TBCD: variants seen among roughly 807,000 people sequenced by gnomAD.
TBCD encodes tubulin folding cofactor D, also known as tubulin-specific chaperone D.
In TBCD, 105 loss-of-function variants were observed where a neutral mutation model predicts 169.3. The ratio of observed to expected loss-of-function variants is 0.62; its 90% CI spans 0.53 to 0.73. The LOEUF is 0.73. TBCD is among the 30% of genes least tolerant of loss of function. The pLI, the probability that TBCD is intolerant of heterozygous loss-of-function variation, is 0.00. For missense variants in TBCD, 1,444 were observed against 1,600.1 expected (o/e 0.90, Z 1.66); for synonymous variants, 700 against 643.9 (o/e 1.09, Z -1.32).
chr17:82,774,471 A>T (rs1473922055), intron 6 of TBCD, among the ~76,000 whole-genome samples: 2 of 152,234 alleles, frequency 1.3e-5, no homozygotes, highest in Admixed American at 1.3e-4. Flanking sequence ...CACAGTAACA[A>T]ACTGATGTCT....
Position 82,766,473 on chromosome 17 carries a change from A to G in TBCD, c.435+105A>G, listed in dbSNP as rs116109157. ...TTCCCCTTCCTGTTTCTTTCATTTT[A>G]TCTCCCTTTGTTTTGTGTCACTCCT... On this transcript the variant is annotated intron_variant, in intron 4 of 38. Coordinates refer to ENST00000355528, the MANE Select transcript of TBCD (RefSeq NM_005993.5). 2,125 of 680,908 alleles carry G rather than the reference A, an allele frequency of 3.1e-3. 36 individuals carry two copies. The African/African-American group carries it at 0.035, about 11-fold the overall frequency. 42.2% of individuals were successfully genotyped at this position (680,908 alleles called of 1,614,324 possible).
At position 82,930,783 on chromosome 17, in the gene TBCD, C is replaced by T; in HGVS notation, c.3113+140C>T. On this transcript the variant is annotated intron_variant, in intron 33 of 38. Transcript: ENST00000355528. The surrounding 1 kb of genome is among the most constrained non-coding windows in gnomAD (Gnocchi z 5.2). ...AGACACACGCTGTACCAGTTGGTGG[C>T]TCAGCGAGGAAGATGTGCCTGCAGC... 7.3e-7 allele frequency: 1 copy of T among 1,364,334 alleles called. No individual in the cohort carries two copies. 84.5% of individuals were successfully genotyped at this position (1,364,334 alleles called of 1,614,324 possible).
intron 13 of TBCD, among the ~76,000 whole-genome samples, chr17:82,844,278 G>A (rs1283229485): frequency 2.0e-5 from 3 of 146,398 alleles, no homozygotes; most frequent in African/African-American, 7.7e-5. Context: ...GGCTGGACTT[G>A]AACTCCGGGT....
chr17:82,788,164 G>A (rs1340505169), intron 7 of TBCD, among the ~76,000 whole-genome samples: 2 of 152,180 alleles, frequency 1.3e-5, no homozygotes. Flanking sequence ...CTTGAACCCG[G>A]GAGGTGGAGG....
intron 6 of TBCD, among the ~76,000 whole-genome samples, chr17:82,779,226 G>A (rs546832621): frequency 1.1e-4 from 16 of 151,108 alleles, no homozygotes; most frequent in African/African-American, 3.6e-4. Context: ...GGCTGTTCTC[G>A]AACTTCTGAC....
At chr17:82,810,200 G>A (rs1168495034) in intron 12 of TBCD, among the ~76,000 whole-genome samples, 1 of 152,214 alleles carries the variant, frequency 6.6e-6, no homozygotes. Flanking sequence ...TCATTTTAAC[G>A]AAATGTGAGG....
intron 38 of TBCD, 191 bp downstream of exon 38, chr17:82,941,674 C>T (rs1023493348): frequency 1.2e-5 from 7 of 585,214 alleles, no homozygotes; most frequent in African/African-American, 1.2e-4. Flanking sequence ...CCTGTGGGCC[C>T]CTGTGGCATC....
At chr17:82,779,422 A>G (rs1374634344) in intron 6 of TBCD, among the ~76,000 whole-genome samples, 1 of 152,096 alleles carries the variant, frequency 6.6e-6, no homozygotes, top group African/African-American at 2.4e-5. Context: ...TGCCCAGCCA[A>G]ATGATTCTTT....
chr17:82,893,436 A>T, intron 16 of TBCD, 111 bp from the exon 17 acceptor site: 1 of 832,734 alleles, frequency 1.2e-6, no homozygotes. Context: ...CACCTGCCTC[A>T]GGGCTCGGGG....
intron 15 of TBCD, among the ~76,000 whole-genome samples, chr17:82,885,603 G>C (rs550113686): frequency 8.0e-4 from 122 of 152,200 alleles, no homozygotes; most frequent in African/African-American, 2.9e-3. Flanking sequence ...GTAAATGTAA[G>C]ACTTTGAAAT....
intron 9 of TBCD, among the ~76,000 whole-genome samples, chr17:82,805,349 G>GA: frequency 6.6e-6 from 1 of 152,346 alleles, no homozygotes; most frequent in Non-Finnish European, 1.5e-5. Flanking sequence ...GTGTCCAGGG[G>GA]ATGACAATGC....
intron 8 of TBCD, among the ~76,000 whole-genome samples, chr17:82,800,619 C>G (rs2050442385): frequency 6.6e-6 from 1 of 152,148 alleles, no homozygotes; most frequent in Admixed American, 6.5e-5. Context: ...TGCCCCCCTT[C>G]AGATTGGCTC....
intron 18 of TBCD, among the ~76,000 whole-genome samples, chr17:82,902,563 G>A (rs942435834): frequency 4.6e-5 from 7 of 152,216 alleles, no homozygotes; most frequent in African/African-American, 1.2e-4. Context: ...TTTGTTTACC[G>A]TTAGAAGTGG....
chr17:82,759,591 G>T (rs1393220785), intron 2 of TBCD, among the ~76,000 whole-genome samples: 6 of 152,148 alleles, frequency 3.9e-5, no homozygotes, highest in Non-Finnish European at 8.8e-5. Flanking sequence ...CCACAGTGCT[G>T]GGATGACAGG....
At chr17:82,795,647 G>T in intron 7 of TBCD, 1 of 955,380 alleles carries the variant, frequency 1.0e-6, no homozygotes, top group Non-Finnish European at 1.2e-6. Flanking sequence ...GTGGAACAAC[G>T]TACTCCACAG....
rs940945107 is a variant in TBCD, at chr17:82,930,369, G to A, written c.2992-153G>A. Reference sequence around the variant, plus strand: ...TCTGCACTGTGAGTGGCTCCGTGCTGGCGTCCGCACCAGCCGCTTGGGGCC... The same window carrying A: ...TCTGCACTGTGAGTGGCTCCGTGCTAGCGTCCGCACCAGCCGCTTGGGGCC... On this transcript the variant is annotated intron_variant, in intron 32 of 38. Coordinates refer to ENST00000355528, the MANE Select transcript of TBCD (RefSeq NM_005993.5). This position sits in a 1 kb window ranked among gnomAD's most constrained non-coding sequence, Gnocchi z 5.2. 9 of 1,134,578 alleles carry A rather than the reference G, an allele frequency of 7.9e-6. No individual in the cohort carries two copies. The highest frequency in any genetic ancestry group is 1.1e-5 in the Non-Finnish European group (9 of 824,568). The allele number at this position is 1,134,578 out of a possible 1,614,324, so 70.3% of individuals were successfully genotyped here.
chr17:82,807,471 TG>T (rs2051057470), intron 10 of TBCD, 136 bp from the exon 11 acceptor site: 1 of 487,250 alleles, frequency 2.1e-6, no homozygotes, highest in Admixed American at 4.4e-5. Flanking sequence ...GTTCTTTTCC[TG>T]TCATTAAAAT....
intron 14 of TBCD, among the ~76,000 whole-genome samples, chr17:82,872,744 G>T (rs1056164418): frequency 6.6e-6 from 1 of 152,270 alleles, no homozygotes; most frequent in African/African-American, 2.4e-5. Flanking sequence ...CTGAGAGGTG[G>T]GCAGGGGCCA....
intron 7 of TBCD, among the ~76,000 whole-genome samples, chr17:82,786,710 G>T (rs1157255323): frequency 6.6e-6 from 1 of 152,166 alleles, no homozygotes; most frequent in African/African-American, 2.4e-5. Context: ...GCCTTGGAGG[G>T]CTCCACGGTG....
Sources: allele counts gnomAD v4.1 joint callset (sites outside exome capture counted in the v4.1 genomes callset), GRCh38; gene constraint gnomAD v4.1.1; non-coding constraint Gnocchi (gnomAD v3.1); transcripts MANE v1.5; gene names NCBI Gene and HGNC (gene_info 2026-07-23, HGNC 2026-07-21).